PDLIM5: variants seen among roughly 807,000 people sequenced by gnomAD.
The protein encoded by PDLIM5 is PDZ and LIM domain protein 5.
PDLIM5 carries 34 observed loss-of-function variants against 64.2 expected under a neutral mutation model. That is an observed-to-expected ratio of 0.53 (90% CI 0.40 to 0.71). The LOEUF is 0.71. Ranked by LOEUF, PDLIM5 falls within the 30% of genes least tolerant of loss-of-function variation. The probability of loss-of-function intolerance (pLI) is 0.00; values close to 1 mark genes in which losing one functional copy is unlikely to be tolerated. For missense variants in PDLIM5, 683 were observed against 733.6 expected (o/e 0.93, Z 0.80); for synonymous variants, 253 against 269.1 (o/e 0.94, Z 0.59).
At chr4:94,654,204 T>C (rs901703609) in intron 9 of PDLIM5, among the ~76,000 whole-genome samples, 4 of 152,156 alleles carry the variant, frequency 2.6e-5, no homozygotes, top group Admixed American at 6.5e-5. Context: ...CATCACCAAA[T>C]TCCCTTAGGC....
intron 7 of PDLIM5, among the ~76,000 whole-genome samples, chr4:94,591,213 C>A (rs192886668): frequency 6.6e-6 from 1 of 152,310 alleles, no homozygotes; most frequent in East Asian, 1.9e-4. Context: ...TGCTTTTGTT[C>A]ATCCCATTCC....
intron 5 of PDLIM5, among the ~76,000 whole-genome samples, chr4:94,583,443 C>T (rs955462349): frequency 6.6e-6 from 1 of 152,144 alleles, no homozygotes; most frequent in Non-Finnish European, 1.5e-5. Context: ...GAGCAAACTA[C>T]ACTCAATACT....
intron 2 of PDLIM5, among the ~76,000 whole-genome samples, chr4:94,462,562 A>G (rs1170530791): frequency 6.6e-6 from 1 of 152,086 alleles, no homozygotes; most frequent in Non-Finnish European, 1.5e-5. Flanking sequence ...ATATATGTAT[A>G]TATATATGTG....
intron 8 of PDLIM5, among the ~76,000 whole-genome samples, chr4:94,637,611 G>A (rs1467739021): frequency 6.6e-6 from 1 of 152,194 alleles, no homozygotes; most frequent in Non-Finnish European, 1.5e-5. Context: ...CACAAGTTGA[G>A]TATTAAGTAA....
intron 3 of PDLIM5, among the ~76,000 whole-genome samples, chr4:94,568,951 A>T (rs960148423): frequency 6.6e-6 from 1 of 152,234 alleles, no homozygotes. Flanking sequence ...GATGAAGTCA[A>T]TTTGGGGTGT....
chr4:94,472,310 A>G (rs1286492336), intron 2 of PDLIM5, among the ~76,000 whole-genome samples: 1 of 152,140 alleles, frequency 6.6e-6, no homozygotes, highest in Non-Finnish European at 1.5e-5. Context: ...TAAACTCTCC[A>G]AGAGATTTGA....
intron 9 of PDLIM5, among the ~76,000 whole-genome samples, chr4:94,650,825 G>C (rs2136486): frequency 0.34 from 50,798 of 149,574 alleles, 8,863 homozygotes; most frequent in East Asian, 0.49. Flanking sequence ...CACATGCCCC[G>C]CCTTTTTGGA....
At chr4:94,660,797 G>T (rs1742636061) in intron 11 of PDLIM5, among the ~76,000 whole-genome samples, 1 of 152,160 alleles carries the variant, frequency 6.6e-6, no homozygotes, top group Non-Finnish European at 1.5e-5. Context: ...AGGTTGGATT[G>T]ACAATGTCAA....
intron 2 of PDLIM5, among the ~76,000 whole-genome samples, chr4:94,505,796 GAGCCACCCTCC>G (rs1451977908): frequency 6.6e-6 from 1 of 152,194 alleles, no homozygotes; most frequent in Non-Finnish European, 1.5e-5. Flanking sequence ...CCCTTTCTGG[GAGCCACCCTCC>G]AGGTGCCTCC....
chr4:94,593,686 G>A (rs1431944808), intron 7 of PDLIM5, among the ~76,000 whole-genome samples: 2 of 152,074 alleles, frequency 1.3e-5, no homozygotes, highest in African/African-American at 4.8e-5. Flanking sequence ...CACATTGTGG[G>A]TTAGGGCTTC....
intron 2 of PDLIM5, among the ~76,000 whole-genome samples, chr4:94,504,181 C>G (rs1728177973): frequency 6.6e-6 from 1 of 152,084 alleles, no homozygotes; most frequent in Admixed American, 6.6e-5. Context: ...TAGATTGAAG[C>G]TCACATTTCA....
At position 94,589,917 on chromosome 4, in the gene PDLIM5, G is replaced by A. The variant is rs1736549364; in HGVS notation, c.920+3473G>A. 9.7e-5 allele frequency among the ~76,000 whole-genome samples: 4 copies of A among 41,430 alleles called. No homozygotes were observed. The Admixed American group carries it at 1.3e-3, about 13-fold the overall frequency. The allele number at this position is 41,430 out of a possible 152,430, so 27.2% of individuals were successfully genotyped here. ...AGCCTCCTGAGTAGCTGGGATTACAGGTGTGCACCACCTGCCCAGCTAATT... is the reference window on the plus strand; with the variant it reads ...AGCCTCCTGAGTAGCTGGGATTACAAGTGTGCACCACCTGCCCAGCTAATT... On this transcript the variant is annotated intron_variant, in intron 7 of 12. Coordinates refer to ENST00000317968, the MANE Select transcript of PDLIM5 (RefSeq NM_006457.5).
chr4:94,583,702 T>C (rs907088192), intron 5 of PDLIM5, among the ~76,000 whole-genome samples: 1 of 152,188 alleles, frequency 6.6e-6, no homozygotes, highest in Admixed American at 6.5e-5. Context: ...TTACCATAAG[T>C]TATAGTATTT....
chr4:94,582,786 G>T, intron 5 of PDLIM5: 7 of 1,190,100 alleles, frequency 5.9e-6, no homozygotes, highest in East Asian at 4.8e-5. Flanking sequence ...TTTCCTTCTT[G>T]CTTTCAATTT....
intron 3 of PDLIM5, among the ~76,000 whole-genome samples, chr4:94,568,703 T>A (rs934618625): frequency 3.3e-5 from 5 of 152,190 alleles, no homozygotes. Context: ...GTTTTCTCCC[T>A]CTGGAATCAA....
At chr4:94,460,844 T>C (rs1161024703) in intron 2 of PDLIM5, among the ~76,000 whole-genome samples, 1 of 152,222 alleles carries the variant, frequency 6.6e-6, no homozygotes, top group African/African-American at 2.4e-5. Context: ...TTCTTTGATG[T>C]ATGGGAAATG....
chr4:94,581,506 G>T (rs1735726873), intron 5 of PDLIM5, among the ~76,000 whole-genome samples: 1 of 152,056 alleles, frequency 6.6e-6, no homozygotes, highest in Non-Finnish European at 1.5e-5. Context: ...TGCATTTGTG[G>T]CTGCAGAAGA....
chr4:94,481,822 G>T (rs1180035875), intron 2 of PDLIM5, among the ~76,000 whole-genome samples: 2 of 151,988 alleles, frequency 1.3e-5, no homozygotes, highest in Non-Finnish European at 2.9e-5. Context: ...TGTTAGCCAG[G>T]ATGGTCTTGA....
At chr4:94,660,724 A>T (rs1197862078) in intron 11 of PDLIM5, among the ~76,000 whole-genome samples, 1 of 152,114 alleles carries the variant, frequency 6.6e-6, no homozygotes, top group East Asian at 1.9e-4. Context: ...AATACTAAAG[A>T]TTGACAATTG....
Sources: gnomAD v4.1 joint callset for allele counts (sites outside exome capture counted in the v4.1 genomes callset) on GRCh38, gnomAD v4.1.1 for gene constraint, MANE v1.5 for transcripts, NCBI Gene and HGNC (gene_info 2026-07-23, HGNC 2026-07-21) for gene names.